Variants in ZSCAN18 observed in about 807,000 individuals in gnomAD.
The protein encoded by ZSCAN18 is zinc finger and SCAN domain containing 18.
Under a neutral mutation model 31.1 loss-of-function variants are expected in ZSCAN18, and 16 were observed. That is an observed-to-expected ratio of 0.51 (90% CI 0.35 to 0.78). The LOEUF is 0.78. ZSCAN18 is among the 30% of genes least tolerant of loss of function. The pLI is 0.01. For synonymous variants in ZSCAN18, 375 were observed against 320.7 expected (o/e 1.17, Z -1.81); for missense variants, 731 against 697.4 (o/e 1.05, Z -0.54).
At chr19:58,086,721 C>T in intron 5 of ZSCAN18, 185 bp downstream of exon 5, 1 of 581,648 alleles carries the variant, frequency 1.7e-6, no homozygotes, top group East Asian at 2.9e-5. Context: ...GGGCAGAACT[C>T]AGATGTTTAG....
chr19:58,084,848 G>T lies in ZSCAN18; in HGVS notation c.1370C>A (p.Ala457Asp), dbSNP rs780530949. ...WKTFHFSLAL[A>D]EHQKTHEKEK... ...CTTCTCGTGGGTCTTCTGGTGCTCG[G>T]CTAGGGCCAGGCTGAAGTGGAAGGT... Residue 457 changes from alanine (A) to aspartate (D), a missense_variant, in exon 7 of 7, where the codon GCC (alanine) becomes GAC (aspartate). Ala to Asp is a moderately radical substitution (Grantham distance 126, BLOSUM62 -2). Coordinates refer to ENST00000601144, the MANE Select transcript of ZSCAN18 (RefSeq NM_001145543.2). This position sits in a 1 kb window ranked among gnomAD's most constrained non-coding sequence, Gnocchi z 4.5. The T allele has an allele frequency of 6.3e-7, 1 of 1,599,684 alleles. No individual in the cohort carries two copies. The highest frequency in any genetic ancestry group is 2.3e-5 in the East Asian group (1 of 44,392).
chr19:58,117,931 T>C (rs1433837529), intron 1 of ZSCAN18, among the ~76,000 whole-genome samples: 1 of 150,762 alleles, frequency 6.6e-6, no homozygotes, highest in African/African-American at 2.5e-5. Flanking sequence ...GGGAGAAGGG[T>C]ATGGGGGCCC....
chr19:58,084,338 A>C lies in ZSCAN18; in HGVS notation c.*347T>G. On this transcript the variant is annotated 3_prime_UTR_variant, in exon 7 of 7. Transcript: ENST00000601144. This position sits in a 1 kb window ranked among gnomAD's most constrained non-coding sequence, Gnocchi z 4.5. Reference sequence around the variant, plus strand: ...GAATCGGGGCAAGGGTGACTTGAAGAAAGCACTGGCAGATCACGCACTTTA... The same window carrying C: ...GAATCGGGGCAAGGGTGACTTGAAGCAAGCACTGGCAGATCACGCACTTTA... The C allele has an allele frequency of 4.4e-6, 1 of 229,214 alleles. No homozygotes were observed. The highest frequency in any genetic ancestry group is 8.5e-6 in the Non-Finnish European group (1 of 118,298). 14.2% of individuals were successfully genotyped at this position (229,214 alleles called of 1,614,324 possible). A position where few individuals can be genotyped will look rare whatever the true frequency, so the allele number is the denominator to read the frequency against.
At chr19:58,088,432 G>T in intron 3 of ZSCAN18, 1 of 443,440 alleles carries the variant, frequency 2.3e-6, no homozygotes, top group Non-Finnish European at 4.1e-6. Context: ...GTCGGGGGTT[G>T]GGAGATTCTT....
At chr19:58,114,279 GATA>G (rs762125905) in intron 1 of ZSCAN18, among the ~76,000 whole-genome samples, 12 of 152,078 alleles carry the variant, frequency 7.9e-5, no homozygotes, top group East Asian at 1.9e-4. Context: ...AAAAAAAGAT[GATA>G]ATAATAATGT....
intron 2 of ZSCAN18, among the ~76,000 whole-genome samples, chr19:58,089,590 C>A (rs1001932936): frequency 1.3e-5 from 2 of 152,168 alleles, no homozygotes; most frequent in Non-Finnish European, 2.9e-5. Context: ...TGCGCCACTG[C>A]GCTCCAGCCT....
At chr19:58,086,004 C>T in intron 6 of ZSCAN18, 170 bp downstream of exon 6, 2 of 626,214 alleles carry the variant, frequency 3.2e-6, no homozygotes, top group Non-Finnish European at 5.8e-6. Context: ...CAGCAAGAGA[C>T]CATGGACGTA....
intron 1 of ZSCAN18, among the ~76,000 whole-genome samples, chr19:58,097,204 G>C (rs563683556): frequency 1.8e-4 from 28 of 152,224 alleles, no homozygotes; most frequent in Non-Finnish European, 2.8e-4. Context: ...TGGAAGGAGG[G>C]CAGACAGAAA....
chr19:58,115,484 T>C (rs2074722332), intron 1 of ZSCAN18, among the ~76,000 whole-genome samples: 1 of 152,238 alleles, frequency 6.6e-6, no homozygotes, highest in Admixed American at 6.5e-5. Flanking sequence ...TACTTCCTGT[T>C]TTCTTCACAG....
intron 1 of ZSCAN18, among the ~76,000 whole-genome samples, chr19:58,116,803 C>T (rs1207267533): frequency 2.0e-5 from 3 of 152,114 alleles, no homozygotes; most frequent in Non-Finnish European, 4.4e-5. Context: ...TCCACTGAAT[C>T]GTGAGGAGGC....
intron 1 of ZSCAN18, among the ~76,000 whole-genome samples, chr19:58,114,492 T>C (rs113056261): frequency 3.3e-5 from 5 of 151,636 alleles, no homozygotes; most frequent in African/African-American, 1.2e-4. Context: ...TAGACATACA[T>C]ATACTTAAAC....
At chr19:58,106,962 A>ACTAAACC (rs1318766160) in intron 1 of ZSCAN18, among the ~76,000 whole-genome samples, 7 of 151,770 alleles carry the variant, frequency 4.6e-5, no homozygotes, top group African/African-American at 1.7e-4. Flanking sequence ...ATGAGGTTTC[A>ACTAAACC]GCATGTTGGT....
rs2145985009 is a variant in ZSCAN18, at chr19:58,090,567, G to A, written c.-119-181C>T. 2 of 542,546 alleles carry A rather than the reference G, an allele frequency of 3.7e-6. No individual in the cohort carries two copies. Among genetic ancestry groups the A allele is most frequent in the South Asian group, 3.8e-5 (1 of 26,388 alleles). 33.6% of individuals were successfully genotyped at this position (542,546 alleles called of 1,614,324 possible). A position where few individuals can be genotyped will look rare whatever the true frequency, so the allele number is the denominator to read the frequency against. On this transcript the variant is annotated intron_variant, in intron 1 of 6. Coordinates refer to ENST00000601144, the MANE Select transcript of ZSCAN18 (RefSeq NM_001145543.2). The surrounding 1 kb of genome is among the most constrained non-coding windows in gnomAD (Gnocchi z 4.7). ...AGATAAAAAGTAGCATGTAAATGGA[G>A]GGTAACTCATTCTGTGCATTACCAG...
chr19:58,109,788 C>T (rs939165870), intron 1 of ZSCAN18, among the ~76,000 whole-genome samples: 8 of 67,664 alleles, frequency 1.2e-4, no homozygotes, highest in African/African-American at 2.0e-4. Flanking sequence ...CACACACACA[C>T]ATCCTACCAA....
rs763815900 is a variant in ZSCAN18 at position 58,084,924 on chromosome 19, G to A, written c.1294C>T (p.His432Tyr). ...FAWLSHLMEHHSSHGGRKRYA... is the reference protein window; with the variant it reads ...FAWLSHLMEHYSSHGGRKRYA... ...CGCTTCCGGCCGCCATGGCTGCTGT[G>A]GTGCTCCATCAGGTGCGAGAGCCAC... is the stretch of plus-strand genomic sequence containing the variant. The change falls in exon 7 of 7, where the codon CAC (histidine) becomes TAC (tyrosine). Residue 432 changes from histidine (H) to tyrosine (Y), a missense_variant. His to Tyr is a moderately conservative substitution (Grantham distance 83). This residue lies in a region of ZSCAN18 where 597 missense variants were observed against 499.5 expected (regional missense o/e 1.20). Transcript: ENST00000601144. This position sits in a 1 kb window ranked among gnomAD's most constrained non-coding sequence, Gnocchi z 4.5. 3 of 1,596,328 alleles carry A rather than the reference G, an allele frequency of 1.9e-6. No individual in the cohort carries two copies. In the East Asian group the frequency reaches 6.8e-5, roughly 36 times the overall value.
upstream of ZSCAN18, among the ~76,000 whole-genome samples, chr19:58,100,250 C>G (rs576996822): frequency 2.0e-4 from 31 of 152,172 alleles, no homozygotes; most frequent in Admixed American, 1.6e-3. Context: ...CCACCATGCC[C>G]AGTCTTTCCA....
intron 1 of ZSCAN18, among the ~76,000 whole-genome samples, chr19:58,091,277 A>C (rs2074404923): frequency 6.6e-6 from 1 of 151,940 alleles, no homozygotes. Context: ...AAAAAAAAAA[A>C]AAAAAAGATA....
Position 58,084,776 on chromosome 19 carries a change from G to A in ZSCAN18, c.1442C>T (p.Thr481Ile). The change falls in exon 7 of 7, where the codon ACC becomes ATC. Residue 481 changes from threonine (T) to isoleucine (I), a missense_variant. Around this residue, in one of 4 missense-constraint regions of ZSCAN18, gnomAD observed 597 missense variants for 499.5 expected, o/e 1.20. Transcript: ENST00000601144. The surrounding 1 kb of genome is among the most constrained non-coding windows in gnomAD (Gnocchi z 4.5). Reference protein sequence around the residue: ...LGGARGPQPSTREAQAGARAG... With the variant: ...LGGARGPQPSIREAQAGARAG... ...CCTAGCCCCCGCCTGGGCTTCGCGGGTGGACGGTTGGGGGCCCCGGGCGCC... is the reference window on the plus strand; with the variant it reads ...CCTAGCCCCCGCCTGGGCTTCGCGGATGGACGGTTGGGGGCCCCGGGCGCC... 2 of 1,575,752 alleles carry A rather than the reference G, an allele frequency of 1.3e-6. No individual in the cohort carries two copies. Among genetic ancestry groups the A allele is most frequent in the Non-Finnish European group, 1.7e-6 (2 of 1,168,076 alleles).
chr19:58,118,127 G>C, intron 1 of ZSCAN18: 2 of 419,270 alleles, frequency 4.8e-6, no homozygotes, highest in Non-Finnish European at 8.5e-6. Flanking sequence ...AGTTCCTCAC[G>C]CCCGCCCCGC....
Sources: gnomAD v4.1 joint callset for allele counts (sites outside exome capture counted in the v4.1 genomes callset) on GRCh38, gnomAD v4.1.1 for gene constraint, gnomAD v4.1.1 regional missense constraint, Gnocchi (gnomAD v3.1) non-coding constraint, MANE v1.5 for transcripts, NCBI Gene and HGNC (gene_info 2026-07-23, HGNC 2026-07-21) for gene names.